PPP4R3B: variants seen among roughly 807,000 people sequenced by gnomAD.
The protein encoded by PPP4R3B is serine/threonine-protein phosphatase 4 regulatory subunit 3B.
In PPP4R3B, 52 loss-of-function variants were observed where a neutral mutation model predicts 95.4. That is an observed-to-expected ratio of 0.54 (90% CI 0.44 to 0.69). PPP4R3B has a LOEUF of 0.69. Among genes scored for constraint, PPP4R3B ranks in the 30% least tolerant of loss-of-function variants. PPP4R3B has a pLI of 0.00. For missense variants in PPP4R3B, 1,003 were observed against 1,005.9 expected (o/e 1.00, Z 0.04); for synonymous variants, 407 against 343.9 (o/e 1.18, Z -2.03).
At position 55,573,652 on chromosome 2, in the gene PPP4R3B, A is replaced by G. The variant is rs1688282772; in HGVS notation, c.1732T>C (p.Leu578=). Residue 578 remains leucine, a synonymous_variant, in exon 12 of 17, where the codon TTG becomes CTG. Coordinates refer to ENST00000616407, the MANE Select transcript of PPP4R3B (RefSeq NM_001122964.3). ...NKDLLRRVLV[L]MNSKHTFLAL... is the part of the protein sequence containing the mutation. Reference sequence around the variant, plus strand: ...AGAAAAGTGTGCTTTGAATTCATCAAGACCAAGACTCTTCTTAGCAAGTCC... The same window carrying G: ...AGAAAAGTGTGCTTTGAATTCATCAGGACCAAGACTCTTCTTAGCAAGTCC... The G allele has an allele frequency of 1.9e-6, 3 of 1,542,570 alleles. No homozygotes were observed. The highest frequency in any genetic ancestry group is 1.7e-6 in the Non-Finnish European group (2 of 1,144,500).
At chr2:55,582,202 C>T (rs756597619) in intron 7 of PPP4R3B, among the ~76,000 whole-genome samples, 2 of 152,182 alleles carry the variant, frequency 1.3e-5, no homozygotes, top group Non-Finnish European at 2.9e-5. Context: ...CAAGTGAACA[C>T]TGTGTTATAT....
At position 55,548,022 on chromosome 2, in the gene PPP4R3B, G is replaced by T. The variant is rs1260824065; in HGVS notation, c.*1889C>A. The stretch of plus-strand genomic sequence containing the variant: ...TCTCGATAAAATTTGATGATTCAAA[G>T]AAAGTGGATGGGAACTTTACTGATC... On this transcript the variant is annotated 3_prime_UTR_variant, in exon 17 of 17. Coordinates refer to ENST00000616407, the MANE Select transcript of PPP4R3B (RefSeq NM_001122964.3). 1 of 152,214 alleles carries T rather than the reference G, an allele frequency of 6.6e-6. No individual in the cohort carries two copies. Among genetic ancestry groups the T allele is most frequent in the Non-Finnish European group, 1.5e-5 (1 of 68,028 alleles). The allele number at this position is 152,214 out of a possible 1,614,324, so 9.4% of individuals were successfully genotyped here. A position where few individuals can be genotyped will look rare whatever the true frequency, so the allele number is the denominator to read the frequency against.
At chr2:55,582,068 A>G (rs1466220727) in intron 7 of PPP4R3B, among the ~76,000 whole-genome samples, 1 of 152,200 alleles carries the variant, frequency 6.6e-6, no homozygotes, top group Non-Finnish European at 1.5e-5. Flanking sequence ...GAGGTTGACT[A>G]AACAAGCAAG....
intron 7 of PPP4R3B, among the ~76,000 whole-genome samples, chr2:55,583,985 C>T (rs984359727): frequency 1.3e-5 from 2 of 152,054 alleles, no homozygotes; most frequent in Non-Finnish European, 2.9e-5. Context: ...ATGGGTGGAT[C>T]ACCTGAGGTC....
chr2:55,585,883 A>G (rs556129872), intron 6 of PPP4R3B, among the ~76,000 whole-genome samples: 1 of 152,276 alleles, frequency 6.6e-6, no homozygotes, highest in Non-Finnish European at 1.5e-5. Flanking sequence ...AATAACACTG[A>G]GCCTTTGTCA....
intron 16 of PPP4R3B, among the ~76,000 whole-genome samples, chr2:55,554,059 T>G (rs1368184810): frequency 6.6e-6 from 1 of 152,210 alleles, no homozygotes; most frequent in Non-Finnish European, 1.5e-5. Flanking sequence ...CCAAAGCTGC[T>G]ACACCATTTT....
At chr2:55,594,522 G>A (rs1428751391) in intron 4 of PPP4R3B, among the ~76,000 whole-genome samples, 1 of 151,914 alleles carries the variant, frequency 6.6e-6, no homozygotes, top group Non-Finnish European at 1.5e-5. Context: ...TACATAAAAT[G>A]ACAAAGTTTT....
At chr2:55,598,384 A>G (rs1168246037) in intron 4 of PPP4R3B, 32 bp downstream of exon 4, 1 of 1,592,446 alleles carries the variant, frequency 6.3e-7, no homozygotes, top group Non-Finnish European at 8.5e-7. Flanking sequence ...ATATCTGAAA[A>G]ATGGAATCGT....
Position 55,548,042 on chromosome 2 carries a change from C to T in PPP4R3B, c.*1869G>A, listed in dbSNP as rs1221933423. ...TCAAAGAAAGTGGATGGGAACTTTA[C>T]TGATCTTAGTTTAAAATATCCTGAG... is the stretch of plus-strand genomic sequence containing the variant. On this transcript the variant is annotated 3_prime_UTR_variant, in exon 17 of 17. Transcript: ENST00000616407. The T allele has an allele frequency of 1.3e-5, 2 of 152,208 alleles. No individual in the cohort carries two copies. The highest frequency in any genetic ancestry group is 2.9e-5 in the Non-Finnish European group (2 of 68,026). The allele number at this position is 152,208 out of a possible 1,614,324, so 9.4% of individuals were successfully genotyped here. A position where few individuals can be genotyped will look rare whatever the true frequency, so the allele number is the denominator to read the frequency against.
rs2627781 is a variant in PPP4R3B, at chr2:55,600,196, T to A, written c.298-1157A>T. Among the ~76,000 whole-genome samples, 6 of 152,146 alleles carry A rather than the reference T, an allele frequency of 3.9e-5. 1 individual carries two copies. Among genetic ancestry groups the A allele is most frequent in the African/African-American group, 1.4e-4 (6 of 41,536 alleles). On this transcript the variant is annotated intron_variant, in intron 3 of 16. Coordinates refer to ENST00000616407, the MANE Select transcript of PPP4R3B (RefSeq NM_001122964.3). ...AATGCCAGCACTTTGGGAGGCCAAG[T>A]TGGGCGGATCACCTGAGGTCAGGAG...
Position 55,617,147 on chromosome 2 carries a change from C to T in PPP4R3B, c.139G>A (p.Asp47Asn), listed in dbSNP as rs1444140136. Reference sequence around the variant, plus strand: ...TCTACAGTTCCGATAACCTTACCGTCGGACTCTGCCCGAACCAGCAGCGAC... The same window carrying T: ...TCTACAGTTCCGATAACCTTACCGTTGGACTCTGCCCGAACCAGCAGCGAC... ...GMSLLVRAES[D>N]GSLLLESKIN... The change falls in exon 1 of 17, where the codon GAC (aspartate) becomes AAC (asparagine). Residue 47 changes from aspartate to asparagine, a missense_variant. Asp to Asn is a conservative substitution (Grantham distance 23). Transcript: ENST00000616407. 1 of 1,610,726 alleles carries T rather than the reference C, an allele frequency of 6.2e-7. No individual in the cohort carries two copies. Among genetic ancestry groups the T allele is most frequent in the Admixed American group, 1.7e-5 (1 of 58,942 alleles).
At chr2:55,556,135 C>T (rs1685819089) in intron 16 of PPP4R3B, among the ~76,000 whole-genome samples, 1 of 152,162 alleles carries the variant, frequency 6.6e-6, no homozygotes, top group Admixed American at 6.6e-5. Context: ...GGAATGTGGG[C>T]ATGGTTTGTT....
chr2:55,563,197 C>T (rs1009538293), intron 15 of PPP4R3B, among the ~76,000 whole-genome samples: 49 of 152,222 alleles, frequency 3.2e-4, no homozygotes, highest in African/African-American at 9.4e-4. Flanking sequence ...TGCTCCGCCA[C>T]GCTGAGGCAA....
In PPP4R3B at chr2:55,598,577, T is replaced by C. The variant is rs1170704623; in HGVS notation, c.760A>G (p.Ile254Val). The C allele has an allele frequency of 6.2e-7, 1 of 1,614,090 alleles. No individual in the cohort carries two copies. Among genetic ancestry groups the C allele is most frequent in the Non-Finnish European group, 8.5e-7 (1 of 1,180,058 alleles). ...TTTTGCCTTAGTTCAGAGTCTGTTA[T>C]TGGTATAACTTCCTTGAACTTTGCA... is the stretch of plus-strand genomic sequence containing the variant. Reference protein sequence around the residue: ...KTAKFKEVIPITDSELRQKIH... With the variant: ...KTAKFKEVIPVTDSELRQKIH... The change falls in exon 4 of 17, where the codon ATA becomes GTA. Residue 254 changes from isoleucine (I) to valine (V), a missense_variant. Physicochemically the swap from Ile to Val is conservative, Grantham distance 29 (BLOSUM62 3). This residue lies in a region of PPP4R3B where 695 missense variants were observed against 686.2 expected (regional missense o/e 1.01). Coordinates refer to ENST00000616407, the MANE Select transcript of PPP4R3B (RefSeq NM_001122964.3).
At chr2:55,554,533 A>T (rs1224278949) in intron 16 of PPP4R3B, among the ~76,000 whole-genome samples, 1 of 152,216 alleles carries the variant, frequency 6.6e-6, no homozygotes, top group Admixed American at 6.5e-5. Context: ...ACATGTTTAT[A>T]TGGGCCACTT....
At chr2:55,613,076 A>G (rs1480954002) in intron 2 of PPP4R3B, among the ~76,000 whole-genome samples, 1 of 152,134 alleles carries the variant, frequency 6.6e-6, no homozygotes, top group Non-Finnish European at 1.5e-5. Context: ...AAACCACTGT[A>G]CTCCAGCCTA....
chr2:55,558,916 G>A lies in PPP4R3B; in HGVS notation c.2313C>T (p.Gly771=), dbSNP rs527352290. 2 of 1,613,686 alleles carry A rather than the reference G, an allele frequency of 1.2e-6. No homozygotes were observed. Among genetic ancestry groups the A allele is most frequent in the East Asian group, 2.2e-5 (1 of 44,836 alleles). ...CAGAGTGGGAGAAAGTAAATTTGAA[G>A]CCACCAGGAGATGTCCTTTTGGGAA... ...ENLPKRTSPG[G]FKFTFSHSAS... The change falls in exon 16 of 17, where the codon GGC becomes GGT. Residue 771 remains glycine (G), a synonymous_variant. Transcript: ENST00000616407.
At chr2:55,607,114 T>C (rs1243811613) in intron 2 of PPP4R3B, among the ~76,000 whole-genome samples, 1 of 152,192 alleles carries the variant, frequency 6.6e-6, no homozygotes, top group East Asian at 1.9e-4. Flanking sequence ...AAAAGTTGGG[T>C]ATGAGACTAT....
intron 3 of PPP4R3B, among the ~76,000 whole-genome samples, chr2:55,601,761 T>C (rs1218106361): frequency 6.6e-6 from 1 of 152,202 alleles, no homozygotes; most frequent in African/African-American, 2.4e-5. Flanking sequence ...TTACATCTAC[T>C]ACCATAATGT....
Sources: allele counts gnomAD v4.1 joint callset (sites outside exome capture counted in the v4.1 genomes callset), GRCh38; gene constraint gnomAD v4.1.1; regional missense constraint gnomAD v4.1.1; transcripts MANE v1.5; gene names NCBI Gene and HGNC (gene_info 2026-07-23, HGNC 2026-07-21).